The following C2CD3 variants were observed in gnomAD, a reference collection of about 807,000 sequenced individuals.
C2CD3 encodes C2 domain containing 3 centriole elongation regulator.
C2CD3 carries 148 observed loss-of-function variants against 234.0 expected under a neutral mutation model. The observed-to-expected ratio is 0.63, with a 90% CI of 0.55 to 0.72. The LOEUF is 0.72. Ranked by LOEUF, C2CD3 falls within the 30% of genes least tolerant of loss-of-function variation. The pLI, the probability that C2CD3 is intolerant of heterozygous loss-of-function variation, is 0.00. For missense variants in C2CD3, 2,577 were observed against 2,811.5 expected (o/e 0.92, Z 1.89); for synonymous variants, 1,000 against 1,035.4 (o/e 0.97, Z 0.66).
At chr11:74,060,076 G>A (rs1026205535) in intron 24 of C2CD3, among the ~76,000 whole-genome samples, 2 of 152,214 alleles carry the variant, frequency 1.3e-5, no homozygotes, top group African/African-American at 2.4e-5. Flanking sequence ...GGGGAAGGAT[G>A]TCCACCATTG....
Position 74,118,044 on chromosome 11 carries a change from C to T in C2CD3, c.1520+184G>A, listed in dbSNP as rs141928969. On this transcript the variant is annotated intron_variant, in intron 9 of 32. Transcript: ENST00000334126. ...TCAAACACCACCTGTTCCCCAAAAC[C>T]TATGGAAAACAAATTTAGCCATCTT... Among the ~76,000 whole-genome samples the T allele has an allele frequency of 1.4e-3, 216 of 152,250 alleles. 2 individuals carry two copies. Among genetic ancestry groups the T allele is most frequent in the African/African-American group, 4.0e-3 (168 of 41,554 alleles).
intron 26 of C2CD3, among the ~76,000 whole-genome samples, chr11:74,052,616 C>G (rs1287337662): frequency 6.6e-6 from 1 of 152,056 alleles, no homozygotes; most frequent in African/African-American, 2.4e-5. Flanking sequence ...AGGGTGGAGC[C>G]CAGCTAAATA....
At chr11:74,071,445 T>G (rs756639908) in intron 24 of C2CD3, among the ~76,000 whole-genome samples, 11 of 152,322 alleles carry the variant, frequency 7.2e-5, no homozygotes, top group African/African-American at 2.4e-4. Flanking sequence ...ACCTATAGTA[T>G]AGAGATCTGC....
intron 3 of C2CD3, among the ~76,000 whole-genome samples, chr11:74,145,617 A>G (rs1855129637): frequency 6.6e-6 from 1 of 152,096 alleles, no homozygotes; most frequent in South Asian, 2.1e-4. Flanking sequence ...TCATCATGAA[A>G]TCTTGCCAGT....
chr11:74,097,052 G>A (rs1034808613), intron 16 of C2CD3, among the ~76,000 whole-genome samples: 17 of 151,920 alleles, frequency 1.1e-4, no homozygotes, highest in African/African-American at 3.9e-4. Context: ...GGGAGGCCAA[G>A]GCAGGAGAAT....
At chr11:74,082,352 T>C (rs986188411) in intron 22 of C2CD3, among the ~76,000 whole-genome samples, 1 of 152,146 alleles carries the variant, frequency 6.6e-6, no homozygotes, top group African/African-American at 2.4e-5. Flanking sequence ...CCTGACCTTG[T>C]GATCCGCCCA....
At chr11:74,061,720 G>A (rs1057085564) in intron 24 of C2CD3, among the ~76,000 whole-genome samples, 2 of 152,144 alleles carry the variant, frequency 1.3e-5, no homozygotes, top group East Asian at 1.9e-4. Context: ...ATCGACTAAC[G>A]AGCAAAATAA....
chr11:74,118,880 T>C (rs931782531), intron 8 of C2CD3, among the ~76,000 whole-genome samples: 1 of 151,842 alleles, frequency 6.6e-6, no homozygotes, highest in Non-Finnish European at 1.5e-5. Flanking sequence ...ACTTGGACGA[T>C]GTCACCTAAT....
intron 15 of C2CD3, among the ~76,000 whole-genome samples, chr11:74,099,121 G>A (rs1353667488): frequency 6.6e-6 from 1 of 152,120 alleles, no homozygotes; most frequent in Admixed American, 6.6e-5. Flanking sequence ...GGTAACACTA[G>A]ACCAAACTAA....
chr11:74,049,078 C>A (rs542547571), intron 27 of C2CD3, among the ~76,000 whole-genome samples: 1 of 152,058 alleles, frequency 6.6e-6, no homozygotes, highest in African/African-American at 2.4e-5. Flanking sequence ...TTGGAAACTG[C>A]GATATAATTA....
chr11:74,020,252 G>A (rs1952031900), intron 32 of C2CD3, among the ~76,000 whole-genome samples: 1 of 152,232 alleles, frequency 6.6e-6, no homozygotes. Context: ...CTTGTCCTTT[G>A]CTTCTAATTC....
chr11:74,047,038 C>T (rs149696373), intron 28 of C2CD3, among the ~76,000 whole-genome samples: 234 of 152,318 alleles, frequency 1.5e-3, no homozygotes, highest in Non-Finnish European at 2.0e-3. Flanking sequence ...AATTAGAAAG[C>T]TAAAGCTCAG....
At chr11:74,045,253 T>C (rs1953304351) in intron 28 of C2CD3, among the ~76,000 whole-genome samples, 1 of 152,216 alleles carries the variant, frequency 6.6e-6, no homozygotes, top group Admixed American at 6.5e-5. Flanking sequence ...TTTGAGATTA[T>C]CAATTCAATT....
At chr11:74,036,306 A>C (rs1952739961) in intron 30 of C2CD3, 1 of 369,562 alleles carries the variant, frequency 2.7e-6, no homozygotes, top group Admixed American at 3.4e-5. Flanking sequence ...TATAGAATAT[A>C]AGCTTGATGA....
chr11:74,100,410 A>G, intron 15 of C2CD3, 115 bp downstream of exon 15: 1 of 958,992 alleles, frequency 1.0e-6, no homozygotes. Context: ...GAAACTGGAA[A>G]AAGTCCTTCA....
chr11:74,052,183 C>G (rs1409242278), intron 26 of C2CD3, among the ~76,000 whole-genome samples: 1 of 152,160 alleles, frequency 6.6e-6, no homozygotes, highest in African/African-American at 2.4e-5. Flanking sequence ...ATGACCAGAT[C>G]TTAGCAAGAC....
At chr11:74,054,271 CAAAA>C (rs576353352) in intron 26 of C2CD3, among the ~76,000 whole-genome samples, 7 of 94,420 alleles carry the variant, frequency 7.4e-5, no homozygotes, top group African/African-American at 1.3e-4. Flanking sequence ...GATTCTGTCT[CAAAA>C]AAAAAAAAAA....
rs777273763 is a variant in C2CD3, at chr11:74,138,970, G to GT, written c.708-4dup. On this transcript the variant is annotated splice_region_variant and splice_polypyrimidine_tract_variant and intron_variant, in intron 4 of 32. Coordinates refer to ENST00000334126, the MANE Select transcript of C2CD3 (RefSeq NM_001286577.2). The stretch of plus-strand genomic sequence containing the variant: ...CAAAGCATACATGGTCTTTTCCCCT[G>GT]TTTTTTTAAAAAGGGAGAACATCAG... The GT allele has an allele frequency of 5.9e-5, 94 of 1,598,648 alleles. No homozygotes were observed. The highest frequency in any genetic ancestry group is 2.0e-4 in the East Asian group (9 of 44,782).
chr11:74,016,094 T>A (rs1297377975), intron 32 of C2CD3, among the ~76,000 whole-genome samples: 5 of 152,024 alleles, frequency 3.3e-5, no homozygotes, highest in African/African-American at 9.7e-5. Flanking sequence ...AACACCTCTG[T>A]TGGTGACTCA....
Sources: allele counts gnomAD v4.1 joint callset (sites outside exome capture counted in the v4.1 genomes callset), GRCh38; gene constraint gnomAD v4.1.1; transcripts MANE v1.5; gene names NCBI Gene and HGNC (gene_info 2026-07-23, HGNC 2026-07-21).